CTIF: variants seen among roughly 807,000 people sequenced by gnomAD.
CTIF encodes the protein CBP80/20-dependent translation initiation factor.
In CTIF, 21 loss-of-function variants were observed where a neutral mutation model predicts 66.0. That is an observed-to-expected ratio of 0.32 (90% CI 0.23 to 0.46). CTIF has a LOEUF of 0.46. Among genes scored for constraint, CTIF ranks in the 20% least tolerant of loss-of-function variants. The pLI is 1.00. For missense variants in CTIF, 739 were observed against 812.7 expected (o/e 0.91, Z 1.10); for synonymous variants, 345 against 326.4 (o/e 1.06, Z -0.62).
At chr18:48,781,330 C>T (rs1424726533) in intron 9 of CTIF, among the ~76,000 whole-genome samples, 5 of 152,140 alleles carry the variant, frequency 3.3e-5, no homozygotes, top group Admixed American at 6.5e-5. Flanking sequence ...AGGGCAGAGG[C>T]GACTGTCTGA....
chr18:48,747,014 C>T lies in CTIF; in HGVS notation c.585-10905C>T, dbSNP rs74358248. On this transcript the variant is annotated intron_variant, in intron 7 of 11. Transcript: ENST00000256413. The stretch of plus-strand genomic sequence containing the variant: ...CTTTGAGTAGACATAGCAATTTTGC[C>T]GCTAGATTTTAAGATCCCCAAGGGC... Among the ~76,000 whole-genome samples the T allele has an allele frequency of 9.9e-5, 15 of 152,056 alleles. No homozygotes were observed. In the East Asian group the frequency reaches 2.1e-3, roughly 22 times the overall value.
intron 9 of CTIF, among the ~76,000 whole-genome samples, chr18:48,811,460 T>A (rs1337342097): frequency 6.6e-6 from 1 of 152,244 alleles, no homozygotes; most frequent in Non-Finnish European, 1.5e-5. Flanking sequence ...CAAGCATTTC[T>A]AAGTGTACAG....
At chr18:48,707,506 A>G (rs2092172208) in intron 6 of CTIF, among the ~76,000 whole-genome samples, 1 of 151,744 alleles carries the variant, frequency 6.6e-6, no homozygotes, top group South Asian at 2.1e-4. Context: ...TTTCATTTTG[A>G]TTGATCTTCT....
intron 1 of CTIF, among the ~76,000 whole-genome samples, chr18:48,596,161 C>T (rs752973614): frequency 6.6e-6 from 1 of 152,190 alleles, no homozygotes; most frequent in Admixed American, 6.5e-5. Flanking sequence ...AAGCTGCTTA[C>T]CACGGTGACA....
At chr18:48,597,425 G>A (rs2090006389) in intron 1 of CTIF, among the ~76,000 whole-genome samples, 1 of 152,204 alleles carries the variant, frequency 6.6e-6, no homozygotes, top group Admixed American at 6.5e-5. Context: ...AGTGTTGGAG[G>A]TGGGGCCTGG....
intron 1 of CTIF, among the ~76,000 whole-genome samples, chr18:48,569,836 G>C (rs2089371527): frequency 6.6e-6 from 1 of 152,220 alleles, no homozygotes; most frequent in Admixed American, 6.5e-5. Context: ...CCCCCTGCCT[G>C]GGGCTGGCAT....
chr18:48,737,232 G>T (rs73429412), intron 7 of CTIF, among the ~76,000 whole-genome samples: 1 of 152,280 alleles, frequency 6.6e-6, no homozygotes, highest in African/African-American at 2.4e-5. Context: ...CTTGTCCAAG[G>T]TCCTCATTTT....
At chr18:48,831,032 T>A (rs1364138716) in intron 10 of CTIF, among the ~76,000 whole-genome samples, 1 of 152,200 alleles carries the variant, frequency 6.6e-6, no homozygotes, top group African/African-American at 2.4e-5. Flanking sequence ...CCTTCTAGAA[T>A]TCATCTGGAA....
chr18:48,569,736 G>A (rs2089368262), intron 1 of CTIF, among the ~76,000 whole-genome samples: 2 of 149,498 alleles, frequency 1.3e-5, no homozygotes, highest in Non-Finnish European at 2.9e-5. Flanking sequence ...AGCAGCCGAG[G>A]CACTTCAACT....
intron 3 of CTIF, among the ~76,000 whole-genome samples, chr18:48,647,016 C>A (rs889056898): frequency 6.7e-6 from 1 of 148,942 alleles, no homozygotes; most frequent in South Asian, 2.2e-4. Flanking sequence ...CACACAAAAA[C>A]TTGTACTCAA....
intron 5 of CTIF, 170 bp from the exon 6 acceptor site, chr18:48,670,499 C>A (rs2091512778): frequency 3.5e-6 from 2 of 578,476 alleles, no homozygotes; most frequent in East Asian, 3.0e-5. Flanking sequence ...CCCCCCCACA[C>A]ACACACAGCT....
chr18:48,777,104 G>T (rs1252713679), intron 9 of CTIF, among the ~76,000 whole-genome samples: 1 of 152,258 alleles, frequency 6.6e-6, no homozygotes, highest in Non-Finnish European at 1.5e-5. Flanking sequence ...GGGTTGACCA[G>T]TGCAGAGCAG....
At chr18:48,540,237 G>C (rs918628671) in intron 1 of CTIF, 1 of 152,204 alleles carries the variant, frequency 6.6e-6, no homozygotes, top group African/African-American at 2.4e-5. Context: ...CCGGCGGAGA[G>C]GGGTTCACTT....
chr18:48,758,328 G>A lies in CTIF; in HGVS notation c.994G>A (p.Glu332Lys), dbSNP rs370208252. The A allele has an allele frequency of 1.1e-4, 180 of 1,612,690 alleles. 3 individuals carry two copies. In the Admixed American group the frequency reaches 1.5e-3, roughly 13 times the overall value. ...ETKRKDSILP[E>K]RIGERPKITL... ...AAAACGTAAAGACAGTATTCTTCCC[G>A]AGCGCATCGGGGAGCGGCCCAAAAT... The change falls in exon 8 of 12, where the codon GAG becomes AAG. Residue 332 changes from glutamate to lysine, a missense_variant. By Grantham distance (56) the Glu-to-Lys change is moderately conservative (BLOSUM62 1). Coordinates refer to ENST00000256413, the MANE Select transcript of CTIF (RefSeq NM_014772.3).
chr18:48,730,789 C>A (rs928130620), intron 7 of CTIF, among the ~76,000 whole-genome samples: 1 of 113,284 alleles, frequency 8.8e-6, no homozygotes, highest in Non-Finnish European at 1.8e-5. Context: ...GTGTGAAGGG[C>A]CCCCTGTGGT....
intron 9 of CTIF, among the ~76,000 whole-genome samples, chr18:48,794,999 G>C (rs774881803): frequency 1.3e-5 from 2 of 152,146 alleles, no homozygotes; most frequent in Non-Finnish European, 2.9e-5. Context: ...TAGCTGGCGA[G>C]AGTCCTGTGT....
chr18:48,758,196 G>A lies in CTIF; in HGVS notation c.862G>A (p.Asp288Asn), dbSNP rs758267207. The A allele has an allele frequency of 1.2e-6, 2 of 1,613,780 alleles. No homozygotes were observed. The highest frequency in any genetic ancestry group is 1.1e-5 in the South Asian group (1 of 91,052). The change falls in exon 8 of 12, where the codon GAC (aspartate) becomes AAC (asparagine). Residue 288 changes from aspartate (D) to asparagine (N), a missense_variant. Physicochemically the swap from Asp to Asn is conservative, Grantham distance 23 (BLOSUM62 1). Around this residue, in one of 2 missense-constraint regions of CTIF, gnomAD observed 529 missense variants for 520.3 expected, o/e 1.02. Transcript: ENST00000256413. ...ENPKLEDTAG[D>N]TGHSSLEAPR... Reference sequence around the variant, plus strand: ...CCCAAAACTGGAGGACACTGCAGGGGACACCGGGCACAGCAGCCTTGAGGC... The same window carrying A: ...CCCAAAACTGGAGGACACTGCAGGGAACACCGGGCACAGCAGCCTTGAGGC...
At chr18:48,620,211 G>T (rs995098621) in intron 2 of CTIF, among the ~76,000 whole-genome samples, 1 of 152,168 alleles carries the variant, frequency 6.6e-6, no homozygotes, top group African/African-American at 2.4e-5. Flanking sequence ...CCAAAGTCTC[G>T]TGGGATTCTC....
In CTIF at chr18:48,600,064, C is replaced by T. The variant is rs1375018849; in HGVS notation, c.-28-19474C>T. Among the ~76,000 whole-genome samples the T allele has an allele frequency of 3.9e-5, 6 of 152,204 alleles. No individual in the cohort carries two copies. The South Asian group carries it at 6.2e-4, about 16-fold the overall frequency. On this transcript the variant is annotated intron_variant, in intron 1 of 11. Transcript: ENST00000256413. ...TAATCTCCATGCCTCTGATTCCTCA[C>T]TGTCAATTGGAGAGACTAATAGCAT...
Sources: gnomAD v4.1 joint callset for allele counts (sites outside exome capture counted in the v4.1 genomes callset) on GRCh38, gnomAD v4.1.1 for gene constraint, gnomAD v4.1.1 regional missense constraint, MANE v1.5 for transcripts, NCBI Gene and HGNC (gene_info 2026-07-23, HGNC 2026-07-21) for gene names.